Variants in COG5 observed in about 807,000 individuals in gnomAD.
COG5 encodes component of oligomeric golgi complex 5.
Under a neutral mutation model 110.4 loss-of-function variants are expected in COG5, and 86 were observed. That is an observed-to-expected ratio of 0.78 (90% CI 0.65 to 0.93). The LOEUF (loss-of-function observed/expected upper bound fraction) is 0.93. COG5 is among the 40% of genes least tolerant of loss of function. The pLI is 0.00. For missense variants in COG5, 1,077 were observed against 987.0 expected (o/e 1.09, Z -1.22); for synonymous variants, 360 against 334.6 (o/e 1.08, Z -0.83).
At chr7:107,502,187 C>G (rs924880543) in intron 6 of COG5, among the ~76,000 whole-genome samples, 5 of 152,090 alleles carry the variant, frequency 3.3e-5, no homozygotes, top group African/African-American at 7.2e-5. Flanking sequence ...TCTTCTGAAT[C>G]TCCAAAGTCC....
chr7:107,522,292 A>C (rs920511242), intron 6 of COG5, among the ~76,000 whole-genome samples: 1 of 152,218 alleles, frequency 6.6e-6, no homozygotes, highest in East Asian at 1.9e-4. Flanking sequence ...AACATGGAGA[A>C]GCCCTGTCTC....
intron 14 of COG5, among the ~76,000 whole-genome samples, chr7:107,271,929 A>G (rs912078556): frequency 3.2e-4 from 49 of 151,828 alleles, no homozygotes; most frequent in African/African-American, 1.2e-3. Flanking sequence ...GATTTGTTCT[A>G]TTTTCATTTT....
At chr7:107,552,426 C>A (rs2129175905) in intron 3 of COG5, among the ~76,000 whole-genome samples, 1 of 151,946 alleles carries the variant, frequency 6.6e-6, no homozygotes, top group Middle Eastern at 3.4e-3. Context: ...AAACTTAATT[C>A]AACAAGCAAA....
intron 5 of COG5, among the ~76,000 whole-genome samples, chr7:107,528,163 C>T (rs370891126): frequency 1.4e-3 from 207 of 152,068 alleles, no homozygotes; most frequent in African/African-American, 4.1e-3. Flanking sequence ...ATGATCACAC[C>T]TCACTGCAAC....
chr7:107,531,035 CACTT>C (rs796102972), intron 5 of COG5, among the ~76,000 whole-genome samples: 13 of 143,708 alleles, frequency 9.0e-5, no homozygotes, highest in African/African-American at 3.3e-4. Flanking sequence ...TTACATTAAT[CACTT>C]CCTTACTTTT....
intron 11 of COG5, among the ~76,000 whole-genome samples, chr7:107,304,973 G>A (rs1807584357): frequency 6.6e-6 from 1 of 152,186 alleles, no homozygotes; most frequent in Admixed American, 6.5e-5. Flanking sequence ...TTATACTCGA[G>A]TGAAGAAGGA....
At chr7:107,208,846 G>A (rs1798955058) in intron 21 of COG5, 50 of 985,376 alleles carry the variant, frequency 5.1e-5, no homozygotes, top group Non-Finnish European at 5.9e-5. Flanking sequence ...CTGACAGGCT[G>A]ATGGTTCTTA....
chr7:107,338,927 ACT>A (rs1810942429), intron 10 of COG5, among the ~76,000 whole-genome samples: 1 of 152,080 alleles, frequency 6.6e-6, no homozygotes, highest in Non-Finnish European at 1.5e-5. Flanking sequence ...AAACACACAC[ACT>A]TTACATGGCC....
chr7:107,403,311 G>A (rs1791574771), intron 7 of COG5, among the ~76,000 whole-genome samples: 1 of 151,748 alleles, frequency 6.6e-6, no homozygotes, highest in African/African-American at 2.4e-5. Flanking sequence ...CTGGAGACTG[G>A]GAAGTCCAAG....
intron 6 of COG5, among the ~76,000 whole-genome samples, chr7:107,522,629 A>T (rs978600625): frequency 2.6e-5 from 4 of 152,168 alleles, no homozygotes; most frequent in African/African-American, 7.2e-5. Context: ...AGAAAAAAAT[A>T]AAAATAAAAA....
intron 5 of COG5, among the ~76,000 whole-genome samples, chr7:107,544,021 C>T (rs10267907): frequency 0.27 from 40,447 of 151,984 alleles, 5,505 homozygotes; most frequent in East Asian, 0.33. Context: ...GGCCAGCACT[C>T]ACTCACCCAG....
intron 2 of COG5, among the ~76,000 whole-genome samples, chr7:107,555,068 C>CCACCAGAGTAGGATGT (rs1347810157): frequency 1.3e-5 from 2 of 152,226 alleles, no homozygotes; most frequent in African/African-American, 4.8e-5. Context: ...ACCAAGGCTA[C>CCACCAGAGTAGGATGT]ATCCTACTCT....
At chr7:107,442,481 G>T (rs940357159) in intron 6 of COG5, among the ~76,000 whole-genome samples, 1 of 134,252 alleles carries the variant, frequency 7.4e-6, no homozygotes, top group African/African-American at 2.6e-5. Context: ...GTAACCCACA[G>T]GTTTTTTGTT....
In COG5 at chr7:107,474,598, A is replaced by T. The variant is rs1174306149; in HGVS notation, c.538+52639T>A. The T allele has an allele frequency of 6.2e-7, 1 of 1,610,152 alleles. No individual in the cohort carries two copies. On this transcript the variant is annotated intron_variant, in intron 6 of 21. Coordinates refer to ENST00000297135, the MANE Select transcript of COG5 (RefSeq NM_006348.5). This position sits in a 1 kb window ranked among gnomAD's most constrained non-coding sequence, Gnocchi z 5.7. The stretch of plus-strand genomic sequence containing the variant: ...TTTCCTGATTCCTTTTATTGAGGTA[A>T]ATTTTTTCAGTCTTCAAAGTGGAAA...
chr7:107,548,692 A>T (rs1802651231), intron 3 of COG5, among the ~76,000 whole-genome samples: 1 of 152,198 alleles, frequency 6.6e-6, no homozygotes. Flanking sequence ...AAAAACAATA[A>T]ATTTTATGTT....
intron 6 of COG5, among the ~76,000 whole-genome samples, chr7:107,436,830 C>T (rs555378702): frequency 2.6e-5 from 4 of 152,214 alleles, no homozygotes; most frequent in South Asian, 2.1e-4. Context: ...GTCATCAAGA[C>T]GCAGTGTGCC....
intron 11 of COG5, among the ~76,000 whole-genome samples, chr7:107,311,555 G>C (rs1055472384): frequency 6.7e-6 from 1 of 149,462 alleles, no homozygotes; most frequent in African/African-American, 2.4e-5. Flanking sequence ...CACCGCGCCC[G>C]GCTAATTTTT....
intron 7 of COG5, among the ~76,000 whole-genome samples, chr7:107,392,054 G>A (rs936298808): frequency 6.6e-6 from 1 of 152,142 alleles, no homozygotes; most frequent in African/African-American, 2.4e-5. Flanking sequence ...TTGCGCCACT[G>A]CACTCCAGCC....
intron 6 of COG5, among the ~76,000 whole-genome samples, chr7:107,460,609 T>G (rs924072631): frequency 1.3e-5 from 2 of 150,466 alleles, no homozygotes; most frequent in African/African-American, 4.9e-5. Context: ...TACTAAAGAG[T>G]AGAAATCAAT....
Sources: gnomAD v4.1 joint callset for allele counts (sites outside exome capture counted in the v4.1 genomes callset) on GRCh38, gnomAD v4.1.1 for gene constraint, Gnocchi (gnomAD v3.1) non-coding constraint, MANE v1.5 for transcripts, NCBI Gene and HGNC (gene_info 2026-07-23, HGNC 2026-07-21) for gene names.